The following CDH17 variants were observed in gnomAD, a reference collection of about 807,000 sequenced individuals.
The protein encoded by CDH17 is cadherin-17.
In CDH17, 67 loss-of-function variants were observed where a neutral mutation model predicts 86.3. The ratio of observed to expected loss-of-function variants is 0.78; its 90% CI spans 0.64 to 0.95. CDH17 has a LOEUF of 0.95. CDH17 is among the 40% of genes least tolerant of loss of function. The pLI is 0.00. For synonymous variants in CDH17, 367 were observed against 366.4 expected (o/e 1.00, Z -0.02); for missense variants, 993 against 1,017.6 (o/e 0.98, Z 0.33).
At chr8:94,170,582 A>G in intron 8 of CDH17, 35 bp from the exon 9 acceptor site, 1 of 1,599,652 alleles carries the variant, frequency 6.3e-7, no homozygotes, top group Non-Finnish European at 8.5e-7. Context: ...GGCAAGACTC[A>G]CCCACCACCC....
At chr8:94,215,192 T>C (rs979824314) in intron 1 of CDH17, among the ~76,000 whole-genome samples, 5 of 152,160 alleles carry the variant, frequency 3.3e-5, no homozygotes, top group Non-Finnish European at 7.4e-5. Context: ...TACACAAATA[T>C]TCATAGCAGC....
chr8:94,161,654 C>A (rs1813054083), intron 11 of CDH17, among the ~76,000 whole-genome samples: 1 of 148,956 alleles, frequency 6.7e-6, no homozygotes, highest in African/African-American at 2.6e-5. Flanking sequence ...TTCTCCCTTT[C>A]TCTTACCCAA....
intron 13 of CDH17, 151 bp downstream of exon 13, chr8:94,151,717 G>T (rs925194961): frequency 1.5e-5 from 13 of 875,222 alleles, no homozygotes; most frequent in Non-Finnish European, 2.1e-5. Flanking sequence ...TGCCCCCAGG[G>T]TGTTGACAGC....
intron 17 of CDH17, among the ~76,000 whole-genome samples, chr8:94,129,189 G>C (rs1231643062): frequency 2.6e-5 from 4 of 152,168 alleles, no homozygotes; most frequent in African/African-American, 9.7e-5. Flanking sequence ...GATACGTTAA[G>C]AAAATTGCTA....
At chr8:94,151,204 A>G in intron 13 of CDH17, among the ~76,000 whole-genome samples, 1 of 152,312 alleles carries the variant, frequency 6.6e-6, no homozygotes. Context: ...TTTTATAGAT[A>G]TTATACAGAT....
Position 94,128,168 on chromosome 8 carries a change from A to C in CDH17, c.*72T>G. 1 of 927,932 alleles carries C rather than the reference A, an allele frequency of 1.1e-6. No individual in the cohort carries two copies. Among genetic ancestry groups the C allele is most frequent in the Non-Finnish European group, 1.8e-6 (1 of 570,750 alleles). 57.5% of individuals were successfully genotyped at this position (927,932 alleles called of 1,614,324 possible). On this transcript the variant is annotated 3_prime_UTR_variant, in exon 18 of 18. Transcript: ENST00000027335. Reference sequence around the variant, plus strand: ...AAAAAATTATAATGCACGTTAGATGAAAAGTAATAGGATGAGATGGTTGTT... The same window carrying C: ...AAAAAATTATAATGCACGTTAGATGCAAAGTAATAGGATGAGATGGTTGTT...
At chr8:94,201,329 A>G (rs1183382440) in intron 1 of CDH17, among the ~76,000 whole-genome samples, 5 of 152,262 alleles carry the variant, frequency 3.3e-5, no homozygotes, top group Admixed American at 2.0e-4. Context: ...CTCAAAAAGC[A>G]TATGTTGGAG....
At chr8:94,181,241 T>C (rs189963468) in intron 3 of CDH17, among the ~76,000 whole-genome samples, 145 of 152,202 alleles carry the variant, frequency 9.5e-4, no homozygotes, top group Non-Finnish European at 1.6e-3. Context: ...ACAGTAATAA[T>C]TGACGATTTC....
intron 14 of CDH17, among the ~76,000 whole-genome samples, chr8:94,147,159 T>C (rs879440599): frequency 6.6e-6 from 1 of 152,172 alleles, no homozygotes; most frequent in Non-Finnish European, 1.5e-5. Flanking sequence ...CTGATCCCCA[T>C]GGTATGAGAA....
intron 3 of CDH17, among the ~76,000 whole-genome samples, chr8:94,187,605 T>C (rs956603791): frequency 4.6e-5 from 7 of 152,024 alleles, no homozygotes; most frequent in Admixed American, 4.6e-4. Context: ...CAATGGAGTC[T>C]TGATTCAGAT....
chr8:94,212,142 A>G (rs1210545971), upstream of CDH17, among the ~76,000 whole-genome samples: 1 of 152,192 alleles, frequency 6.6e-6, no homozygotes, highest in African/African-American at 2.4e-5. Flanking sequence ...AACAGGTCTT[A>G]CTTCCATGTA....
intron 15 of CDH17, among the ~76,000 whole-genome samples, chr8:94,132,950 C>T (rs1812448525): frequency 6.6e-6 from 1 of 152,136 alleles, no homozygotes; most frequent in Non-Finnish European, 1.5e-5. Flanking sequence ...TTGTTTTTCT[C>T]CGGTTTGTCA....
At chr8:94,141,915 G>T (rs1168892306) in intron 15 of CDH17, among the ~76,000 whole-genome samples, 1 of 151,960 alleles carries the variant, frequency 6.6e-6, no homozygotes, top group East Asian at 1.9e-4. Flanking sequence ...TTTTGAAAAA[G>T]AACAAAGTCG....
At position 94,160,084 on chromosome 8, in the gene CDH17, G is replaced by T. The variant is rs1443481333; in HGVS notation, c.1438C>A (p.Pro480Thr). The T allele has an allele frequency of 6.2e-7, 1 of 1,613,784 alleles. No individual in the cohort carries two copies. Among genetic ancestry groups the T allele is most frequent in the South Asian group, 1.1e-5 (1 of 91,024 alleles). Reference sequence around the variant, plus strand: ...AGAATTTTAGAACTCCCAGTAAATGGCTCATCAGCATCAGTGGCCTGGATG... The same window carrying T: ...AGAATTTTAGAACTCCCAGTAAATGTCTCATCAGCATCAGTGGCCTGGATG... Reference protein sequence around the residue: ...LTIQATDADEPFTGSSKILYH... With the variant: ...LTIQATDADETFTGSSKILYH... The change falls in exon 12 of 18, where the codon CCA (proline) becomes ACA (threonine). Residue 480 changes from proline to threonine, a missense_variant. Physicochemically the swap from Pro to Thr is conservative, Grantham distance 38. Coordinates refer to ENST00000027335, the MANE Select transcript of CDH17 (RefSeq NM_004063.4).
At chr8:94,131,125 T>G in intron 15 of CDH17, 133 bp from the exon 16 acceptor site, 1 of 620,782 alleles carries the variant, frequency 1.6e-6, no homozygotes, top group Non-Finnish European at 2.9e-6. Context: ...CAAAGTATCA[T>G]CCACATCATT....
rs1201352481 is a variant in CDH17 at position 94,127,623 on chromosome 8, A to T, written c.*617T>A. On this transcript the variant is annotated 3_prime_UTR_variant, in exon 18 of 18. Coordinates refer to ENST00000027335, the MANE Select transcript of CDH17 (RefSeq NM_004063.4). Reference sequence around the variant, plus strand: ...GGGGACACAGGATGGAATCAGAAAAAACATAAATGGAATCCAGGCAGTTCT... The same window carrying T: ...GGGGACACAGGATGGAATCAGAAAATACATAAATGGAATCCAGGCAGTTCT... The T allele has an allele frequency of 1.3e-5, 2 of 152,222 alleles. No individual in the cohort carries two copies. Among genetic ancestry groups the T allele is most frequent in the South Asian group, 2.1e-4 (1 of 4,828 alleles). The allele number at this position is 152,222 out of a possible 1,614,324, so 9.4% of individuals were successfully genotyped here.
intron 15 of CDH17, among the ~76,000 whole-genome samples, chr8:94,131,529 A>AT (rs1812415444): frequency 6.6e-6 from 1 of 152,164 alleles, no homozygotes; most frequent in Admixed American, 6.5e-5. Flanking sequence ...AGTTTTGGAC[A>AT]TTACTTTTAA....
chr8:94,146,259 G>C (rs1812742032), intron 14 of CDH17, 92 bp from the exon 15 acceptor site: 21 of 1,187,272 alleles, frequency 1.8e-5, no homozygotes, highest in Non-Finnish European at 3.4e-6. Context: ...CAAGGAGTTA[G>C]GTACACTGAG....
chr8:94,181,684 A>T (rs988272964), intron 3 of CDH17, among the ~76,000 whole-genome samples: 1 of 151,914 alleles, frequency 6.6e-6, no homozygotes, highest in South Asian at 2.1e-4. Flanking sequence ...CTTTACAAAG[A>T]TGAAATATCC....
Sources: allele counts gnomAD v4.1 joint callset (sites outside exome capture counted in the v4.1 genomes callset), GRCh38; gene constraint gnomAD v4.1.1; transcripts MANE v1.5; gene names NCBI Gene and HGNC (gene_info 2026-07-23, HGNC 2026-07-21).